The following DAB1 variants were observed in gnomAD, a reference collection of about 807,000 sequenced individuals.
DAB1 encodes disabled homolog 1.
DAB1 carries 15 observed loss-of-function variants against 64.6 expected under a neutral mutation model. The observed-to-expected ratio is 0.23, with a 90% CI of 0.16 to 0.36. DAB1 has a LOEUF of 0.36. Ranked by LOEUF, DAB1 falls within the 10% of genes least tolerant of loss-of-function variation. The pLI is 1.00. For missense variants in DAB1, 596 were observed against 706.7 expected (o/e 0.84, Z 1.78); for synonymous variants, 235 against 251.9 (o/e 0.93, Z 0.64).
chr1:57,986,069 C>T lies in DAB1; in HGVS notation n.388-101907G>A, dbSNP rs183698655. ...ATTTCTAGGCATTCAATACCCTTCACACTTGACACAGAGGCCAGTATAGGA... is the reference window on the plus strand; with the variant it reads ...ATTTCTAGGCATTCAATACCCTTCATACTTGACACAGAGGCCAGTATAGGA... On this transcript the variant is annotated intron_variant and non_coding_transcript_variant, in intron 5 of 20. Coordinates refer to the DAB1 transcript ENST00000485760. 1.6e-4 allele frequency among the ~76,000 whole-genome samples: 24 copies of T among 152,286 alleles called. No homozygotes were observed. In the East Asian group the frequency reaches 3.5e-3, roughly 22 times the overall value.
intron 3 of DAB1, among the ~76,000 whole-genome samples, chr1:57,137,589 T>G (rs1324095560): frequency 6.6e-6 from 1 of 152,148 alleles, no homozygotes; most frequent in Non-Finnish European, 1.5e-5. Context: ...CACCCTGAGG[T>G]GCTGTTGCTG....
chr1:58,299,292 A>G (rs562684439), intron 4 of DAB1, among the ~76,000 whole-genome samples: 2 of 152,316 alleles, frequency 1.3e-5, no homozygotes, highest in African/African-American at 4.8e-5. Flanking sequence ...ACTGACTCCA[A>G]AGAGTATGTC....
At chr1:57,013,480 CATAA>C (rs1367774214) in intron 12 of DAB1, among the ~76,000 whole-genome samples, 1 of 152,204 alleles carries the variant, frequency 6.6e-6, no homozygotes, top group Non-Finnish European at 1.5e-5. Context: ...TGTGAGTCTG[CATAA>C]ATAGAGATGC....
chr1:57,971,548 G>A (rs1393962389), intron 5 of DAB1, among the ~76,000 whole-genome samples: 3 of 152,198 alleles, frequency 2.0e-5, no homozygotes, highest in African/African-American at 4.8e-5. Flanking sequence ...TAAACTCTTT[G>A]AGTCTCAGTT....
chr1:57,504,789 T>C (rs957085812), intron 7 of DAB1, among the ~76,000 whole-genome samples: 4 of 152,214 alleles, frequency 2.6e-5, no homozygotes, highest in Non-Finnish European at 5.9e-5. Flanking sequence ...TCAACAGTGA[T>C]AAGTCATGAA....
chr1:58,446,852 C>T (rs747682576), intron 3 of DAB1, among the ~76,000 whole-genome samples: 1 of 152,220 alleles, frequency 6.6e-6, no homozygotes, highest in Non-Finnish European at 1.5e-5. Context: ...CCCTCCAAGG[C>T]AAACTAATGT....
At chr1:57,683,502 T>C (rs538529084) in intron 6 of DAB1, among the ~76,000 whole-genome samples, 2 of 152,282 alleles carry the variant, frequency 1.3e-5, no homozygotes, top group South Asian at 4.1e-4. Context: ...ACCTACTGGA[T>C]TGCAGCCCAA....
intron 1 of DAB1, among the ~76,000 whole-genome samples, chr1:57,367,043 CAAAATAAAAT>C (rs148354078): frequency 0.16 from 14,946 of 91,300 alleles, 1,691 homozygotes; most frequent in East Asian, 0.35. Context: ...CCTGTCTCCA[CAAAATAAAAT>C]AAAATAAAAT....
intron 2 of DAB1, among the ~76,000 whole-genome samples, chr1:57,189,403 C>A (rs1663913308): frequency 6.6e-6 from 1 of 152,158 alleles, no homozygotes. Context: ...ATTATTCTGA[C>A]CTTCCAAGGC....
intron 4 of DAB1, among the ~76,000 whole-genome samples, chr1:58,183,984 C>A (rs1168715200): frequency 1.3e-5 from 2 of 151,926 alleles, no homozygotes; most frequent in African/African-American, 4.8e-5. Flanking sequence ...TTGCTTTTAA[C>A]AACGCCCCTG....
chr1:57,820,705 C>A (rs1652077655), intron 6 of DAB1, among the ~76,000 whole-genome samples: 1 of 152,182 alleles, frequency 6.6e-6, no homozygotes, highest in Non-Finnish European at 1.5e-5. Context: ...CCCCTCTTTG[C>A]CATACATCTA....
intron 6 of DAB1, among the ~76,000 whole-genome samples, chr1:57,685,479 C>A (rs184747680): frequency 7.8e-4 from 118 of 152,234 alleles, no homozygotes; most frequent in African/African-American, 2.6e-3. Flanking sequence ...ACTTCAACAA[C>A]CCATTGACAG....
intron 1 of DAB1, among the ~76,000 whole-genome samples, chr1:57,372,216 A>G (rs1558259036): frequency 6.6e-6 from 1 of 152,158 alleles, no homozygotes; most frequent in East Asian, 1.9e-4. Flanking sequence ...AATTATGACA[A>G]TTTCTCTATA....
At chr1:58,119,110 T>C (rs1193130069) in intron 5 of DAB1, among the ~76,000 whole-genome samples, 1 of 152,176 alleles carries the variant, frequency 6.6e-6, no homozygotes, top group African/African-American at 2.4e-5. Flanking sequence ...AGGCACTCAA[T>C]CTATGTGAAC....
chr1:57,112,906 C>T (rs1655793718), intron 4 of DAB1, among the ~76,000 whole-genome samples: 2 of 152,050 alleles, frequency 1.3e-5, no homozygotes, highest in African/African-American at 4.8e-5. Context: ...GACAAATATA[C>T]ATTCAATCAA....
intron 5 of DAB1, among the ~76,000 whole-genome samples, chr1:58,085,778 A>G (rs1162538779): frequency 6.6e-5 from 10 of 152,056 alleles, no homozygotes; most frequent in Middle Eastern, 3.2e-3. Flanking sequence ...CACTTTTCCT[A>G]TTGGGGTGCT....
chr1:57,792,428 C>T (rs899058348), intron 6 of DAB1, among the ~76,000 whole-genome samples: 1 of 152,204 alleles, frequency 6.6e-6, no homozygotes, highest in African/African-American at 2.4e-5. Flanking sequence ...CTCTTCACAG[C>T]TCTTTTTCCA....
At chr1:58,129,011 G>C (rs1448612813) in intron 5 of DAB1, among the ~76,000 whole-genome samples, 1 of 136,088 alleles carries the variant, frequency 7.3e-6, no homozygotes, top group Admixed American at 7.3e-5. Context: ...TCTATTGATT[G>C]GAATAGTTTC....
intron 5 of DAB1, among the ~76,000 whole-genome samples, chr1:57,970,055 T>A (rs72922525): frequency 2.0e-5 from 3 of 152,142 alleles, no homozygotes; most frequent in South Asian, 2.1e-4. Flanking sequence ...TCTTCTACCA[T>A]GTGAGGACAC....
Sources: gnomAD v4.1 joint callset for allele counts (sites outside exome capture counted in the v4.1 genomes callset) on GRCh38, gnomAD v4.1.1 for gene constraint, MANE v1.5 for transcripts, NCBI Gene and HGNC (gene_info 2026-07-23, HGNC 2026-07-21) for gene names.